SRPK1: variants seen among roughly 807,000 people sequenced by gnomAD.
The protein encoded by SRPK1 is SRSF protein kinase 1.
Under a neutral mutation model 89.5 loss-of-function variants are expected in SRPK1, and 52 were observed. The ratio of observed to expected loss-of-function variants is 0.58; its 90% CI spans 0.46 to 0.73. SRPK1 has a LOEUF of 0.73. SRPK1 is among the 30% of genes least tolerant of loss of function. The probability of loss-of-function intolerance (pLI) is 0.00; values close to 1 mark genes in which losing one functional copy is unlikely to be tolerated. For synonymous variants in SRPK1, 255 were observed against 270.2 expected, an observed-to-expected ratio of 0.94 and a Z score of 0.55; for missense variants, 603 against 780.6, an observed-to-expected ratio of 0.77 and a Z score of 2.71.
intron 6 of SRPK1, among the ~76,000 whole-genome samples, chr6:35,880,746 A>AAAAAAAAAAAAAAAAGAAAG (rs1770263877): frequency 2.2e-5 from 2 of 89,204 alleles, no homozygotes; most frequent in African/African-American, 4.5e-5. Flanking sequence ...AAAAAAAAAA[A>AAAAAAAAAAAAAAAAGAAAG]AAAAGAAAAG....
intron 9 of SRPK1, 138 bp downstream of exon 9, chr6:35,870,796 G>A: frequency 1.3e-6 from 1 of 766,006 alleles, no homozygotes; most frequent in African/African-American, 1.8e-5. Flanking sequence ...GGAATTTACT[G>A]GAGAAAATTA....
At chr6:35,864,453 CAACA>C (rs2127240579) in intron 12 of SRPK1, among the ~76,000 whole-genome samples, 1 of 152,150 alleles carries the variant, frequency 6.6e-6, no homozygotes, top group Non-Finnish European at 1.5e-5. Context: ...AAAAGGTGCT[CAACA>C]TCACTGACCA....
chr6:35,902,038 T>C (rs1770753988), intron 2 of SRPK1, among the ~76,000 whole-genome samples: 1 of 152,084 alleles, frequency 6.6e-6, no homozygotes, highest in Non-Finnish European at 1.5e-5. Context: ...TACACACACA[T>C]ATATATAAAT....
intron 3 of SRPK1, among the ~76,000 whole-genome samples, chr6:35,889,533 C>T (rs1429919185): frequency 6.6e-6 from 1 of 152,076 alleles, no homozygotes; most frequent in African/African-American, 2.4e-5. Context: ...CGTGTAATCC[C>T]AGCACTTTGG....
intron 12 of SRPK1, among the ~76,000 whole-genome samples, chr6:35,863,802 T>C (rs1344763919): frequency 6.6e-6 from 1 of 152,140 alleles, no homozygotes; most frequent in East Asian, 1.9e-4. Context: ...TAAGTAATCA[T>C]GTGAAGGTAC....
At chr6:35,870,854 A>C in intron 9 of SRPK1, 80 bp downstream of exon 9, 1 of 1,243,650 alleles carries the variant, frequency 8.0e-7, no homozygotes, top group Non-Finnish European at 1.1e-6. Flanking sequence ...ACTTGAAACA[A>C]ACTGTTACCA....
chr6:35,905,205 T>C (rs943852014), intron 2 of SRPK1, among the ~76,000 whole-genome samples: 1 of 152,064 alleles, frequency 6.6e-6, no homozygotes, highest in Non-Finnish European at 1.5e-5. Context: ...GAGAATCACA[T>C]AAAAACAAAG....
rs1180213232 is a variant in SRPK1, at chr6:35,866,708, C to A, written c.1512+2302G>T. Among the ~76,000 whole-genome samples, 3 of 152,112 alleles carry A rather than the reference C, an allele frequency of 2.0e-5. No individual in the cohort carries two copies. The East Asian group carries it at 5.8e-4, about 29-fold the overall frequency. Reference sequence around the variant, plus strand: ...CTGCACAAAGGAAAATAAATCATATCAAAAATATACCTATACTTGTATGTT... The same window carrying A: ...CTGCACAAAGGAAAATAAATCATATAAAAAATATACCTATACTTGTATGTT... On this transcript the variant is annotated intron_variant, in intron 12 of 15. Transcript: ENST00000373825.
intron 14 of SRPK1, 142 bp from the exon 15 acceptor site, chr6:35,838,571 G>C: frequency 5.0e-6 from 7 of 1,389,138 alleles, no homozygotes; most frequent in Non-Finnish European, 6.9e-6. Context: ...TCCTAAATGG[G>C]AAGAGGAAGA....
intron 13 of SRPK1, among the ~76,000 whole-genome samples, chr6:35,843,096 GTA>G (rs1769348351): frequency 1.3e-5 from 2 of 151,722 alleles, no homozygotes; most frequent in Non-Finnish European, 2.9e-5. Context: ...AGCCTCCCGA[GTA>G]GCTGGGACTA....
intron 13 of SRPK1, among the ~76,000 whole-genome samples, chr6:35,847,477 G>C (rs1769450805): frequency 6.6e-6 from 1 of 152,052 alleles, no homozygotes; most frequent in African/African-American, 2.4e-5. Context: ...CAAAGTGCTG[G>C]GATTACAGGC....
At chr6:35,855,566 T>C (rs369578936) in intron 13 of SRPK1, among the ~76,000 whole-genome samples, 18 of 152,180 alleles carry the variant, frequency 1.2e-4, no homozygotes, top group Non-Finnish European at 1.9e-4. Context: ...TTAGGTAGTA[T>C]ACAAATATTT....
chr6:35,871,038 C>G (rs758587573), intron 8 of SRPK1, 79 bp from the exon 9 acceptor site: 7 of 1,224,138 alleles, frequency 5.7e-6, no homozygotes, highest in Non-Finnish European at 8.1e-6. Flanking sequence ...AAACACTCTA[C>G]CAGAATGAAA....
rs575838056 is a variant in SRPK1 at position 35,894,599 on chromosome 6, T to C, written c.75-3586A>G. On this transcript the variant is annotated intron_variant, in intron 2 of 15. Transcript: ENST00000373825. ...ACTTAATTTTTTATTAGGGAAATTTTTAAATCCCAGTGTTAAGAAGACTCT... is the reference window on the plus strand; with the variant it reads ...ACTTAATTTTTTATTAGGGAAATTTCTAAATCCCAGTGTTAAGAAGACTCT... Among the ~76,000 whole-genome samples the C allele has an allele frequency of 4.6e-5, 7 of 152,320 alleles. No individual in the cohort carries two copies. In the East Asian group the frequency reaches 1.3e-3, roughly 29 times the overall value.
intron 13 of SRPK1, among the ~76,000 whole-genome samples, chr6:35,845,698 A>G (rs967147511): frequency 1.3e-5 from 2 of 152,198 alleles, no homozygotes; most frequent in African/African-American, 2.4e-5. Flanking sequence ...AGTGATTACC[A>G]AACAGAAAAT....
rs545555860 is a variant in SRPK1 at position 35,913,969 on chromosome 6, C to CTTTTTTTTTTTT, written c.74+6487_74+6498dup. On this transcript the variant is annotated intron_variant, in intron 2 of 15. Coordinates refer to ENST00000373825, the MANE Select transcript of SRPK1 (RefSeq NM_003137.5). ...TGCCGCACAACAAAGGATACTTTCT[C>CTTTTTTTTTTTT]TTTTTTTTTTTTTTTTTTTTTTTGA... 4.4e-4 allele frequency among the ~76,000 whole-genome samples: 41 copies of CTTTTTTTTTTTT among 92,938 alleles called. 1 individual carries two copies. Among genetic ancestry groups the CTTTTTTTTTTTT allele is most frequent in the Non-Finnish European group, 6.0e-4 (29 of 48,104 alleles). 61.0% of individuals were successfully genotyped at this position (92,938 alleles called of 152,430 possible).
chr6:35,875,257 T>C (rs6906455), intron 6 of SRPK1, among the ~76,000 whole-genome samples: 24 of 149,288 alleles, frequency 1.6e-4, no homozygotes, highest in Admixed American at 4.7e-4. Context: ...GAGACTTCTT[T>C]TTTTTTTTTT....
At chr6:35,910,737 G>A (rs1180086799) in intron 2 of SRPK1, among the ~76,000 whole-genome samples, 1 of 152,150 alleles carries the variant, frequency 6.6e-6, no homozygotes, top group African/African-American at 2.4e-5. Context: ...ACTTTAAGTT[G>A]AGGCCAATAC....
At chr6:35,920,436 CA>C in intron 2 of SRPK1, 31 bp downstream of exon 2, 1 of 1,611,194 alleles carries the variant, frequency 6.2e-7, no homozygotes, top group Non-Finnish European at 8.5e-7. Context: ...GAGGAAAATC[CA>C]AAGAATGGGA....
Sources: allele counts gnomAD v4.1 joint callset (sites outside exome capture counted in the v4.1 genomes callset), GRCh38; gene constraint gnomAD v4.1.1; transcripts MANE v1.5; gene names NCBI Gene and HGNC (gene_info 2026-07-23, HGNC 2026-07-21).